Variants in TRHDE observed in about 807,000 individuals in gnomAD.
TRHDE encodes the protein thyrotropin releasing hormone degrading enzyme.
A neutral mutation model predicts 125.7 loss-of-function variants in TRHDE; 72 were observed. The ratio of observed to expected loss-of-function variants is 0.57; its 90% CI spans 0.47 to 0.70. The LOEUF (loss-of-function observed/expected upper bound fraction) is 0.70. TRHDE is among the 30% of genes least tolerant of loss of function. TRHDE has a pLI of 0.00. For synonymous variants in TRHDE, 509 were observed against 509.1 expected, an observed-to-expected ratio of 1.00 and a Z score of 0.00; for missense variants, 1,110 against 1,327.1, an observed-to-expected ratio of 0.84 and a Z score of 2.54.
At chr12:72,514,426 T>C (rs1308103187) in intron 6 of TRHDE, among the ~76,000 whole-genome samples, 1 of 122,216 alleles carries the variant, frequency 8.2e-6, no homozygotes, top group Non-Finnish European at 1.6e-5. Flanking sequence ...TTCTTAGAAA[T>C]GAAAATGAAA....
intron 2 of TRHDE, among the ~76,000 whole-genome samples, chr12:72,294,358 G>C (rs1472500989): frequency 6.6e-6 from 1 of 151,612 alleles, no homozygotes; most frequent in African/African-American, 2.4e-5. Context: ...GAACCTGTCT[G>C]TGTGTGTGTG....
At chr12:72,520,727 T>C (rs1879155483) in intron 6 of TRHDE, among the ~76,000 whole-genome samples, 1 of 152,188 alleles carries the variant, frequency 6.6e-6, no homozygotes, top group Non-Finnish European at 1.5e-5. Flanking sequence ...AATTTTTGCC[T>C]GAAACAGTGA....
chr12:72,625,571 C>T (rs1201933990), intron 15 of TRHDE, among the ~76,000 whole-genome samples: 8 of 151,842 alleles, frequency 5.3e-5, no homozygotes, highest in Non-Finnish European at 1.0e-4. Context: ...TATAGCATTA[C>T]TAGTATTGTC....
intron 6 of TRHDE, among the ~76,000 whole-genome samples, chr12:72,522,037 C>T (rs1211484472): frequency 1.3e-5 from 2 of 152,068 alleles, no homozygotes; most frequent in Non-Finnish European, 2.9e-5. Flanking sequence ...ATGTTTTTTA[C>T]GTATATTAAG....
rs548256404 is a variant in TRHDE at position 72,294,942 on chromosome 12, G to A, written c.1188+7988G>A. On this transcript the variant is annotated intron_variant, in intron 2 of 18. Coordinates refer to ENST00000261180, the MANE Select transcript of TRHDE (RefSeq NM_013381.3). ...CTGTGACAGCACTGGAGCTTGCCCC[G>A]ACTTTGCTCCGAGATAGGAGCAGGC... 1.1e-3 allele frequency among the ~76,000 whole-genome samples: 160 copies of A among 152,068 alleles called. 1 individual carries two copies. The highest frequency in any genetic ancestry group is 1.4e-3 in the Non-Finnish European group (97 of 67,982).
At chr12:72,466,139 C>T (rs770360987) in intron 3 of TRHDE, among the ~76,000 whole-genome samples, 10 of 152,256 alleles carry the variant, frequency 6.6e-5, no homozygotes, top group East Asian at 3.9e-4. Flanking sequence ...TCTTTATCAC[C>T]GGCCTCCAAT....
At chr12:72,144,659 A>C (rs1876188802) in intron 2 of TRHDE, among the ~76,000 whole-genome samples, 1 of 151,988 alleles carries the variant, frequency 6.6e-6, no homozygotes, top group African/African-American at 2.4e-5. Flanking sequence ...CTTGTTCCAA[A>C]TTGAGTCTTG....
At chr12:72,491,085 G>A (rs1877659185) in intron 5 of TRHDE, among the ~76,000 whole-genome samples, 1 of 150,778 alleles carries the variant, frequency 6.6e-6, no homozygotes, top group Admixed American at 6.6e-5. Context: ...TATATCCCAT[G>A]TTATGTTGTA....
rs1357092335 is a variant in TRHDE, at chr12:72,273,471, C to T, written c.828C>T (p.Tyr276=). ...LNRTLDAQRN[Y]NLKIIYNALI... is the part of the protein sequence containing the mutation. ...GGACACTGGACGCGCAGAGGAATTA[C>T]AATCTGAAGATTATCTACAACGCGC... is the stretch of plus-strand genomic sequence containing the variant. The change falls in exon 1 of 19, where the codon TAC becomes TAT. Residue 276 remains tyrosine (Y), a synonymous_variant. Transcript: ENST00000261180. This position sits in a 1 kb window ranked among gnomAD's most constrained non-coding sequence, Gnocchi z 5.3. 1 of 1,613,892 alleles carries T rather than the reference C, an allele frequency of 6.2e-7. No homozygotes were observed. Among genetic ancestry groups the T allele is most frequent in the African/African-American group, 1.3e-5 (1 of 75,050 alleles).
intron 5 of TRHDE, 31 bp from the exon 6 acceptor site, chr12:72,499,467 C>G (rs1464023580): frequency 5.0e-6 from 8 of 1,609,326 alleles, no homozygotes; most frequent in Non-Finnish European, 5.9e-6. Flanking sequence ...TATGAATCAC[C>G]TATGATATTG....
chr12:72,441,344 T>A (rs1352898033), intron 3 of TRHDE, among the ~76,000 whole-genome samples: 1 of 151,904 alleles, frequency 6.6e-6, no homozygotes, highest in African/African-American at 2.4e-5. Flanking sequence ...AGTAATAAAA[T>A]TGACTAATAA....
intron 2 of TRHDE, among the ~76,000 whole-genome samples, chr12:72,184,654 T>G (rs1481452018): frequency 6.6e-6 from 1 of 152,118 alleles, no homozygotes; most frequent in Non-Finnish European, 1.5e-5. Flanking sequence ...TTTTCCCTAC[T>G]CCTCCTCCCT....
rs139767209 is a variant in TRHDE at position 72,650,695 on chromosome 12, T to G, written c.2676-1627T>G. ...TGATTTCAGTAGATATTTTGTTGTT[T>G]TTTTTTCTTGCAAGTTTTTATTCAC... is the stretch of plus-strand genomic sequence containing the variant. On this transcript the variant is annotated intron_variant, in intron 15 of 18. Transcript: ENST00000261180. 3.3e-5 allele frequency among the ~76,000 whole-genome samples: 5 copies of G among 152,262 alleles called. No individual in the cohort carries two copies. The East Asian group carries it at 7.7e-4, about 24-fold the overall frequency.
intron 3 of TRHDE, among the ~76,000 whole-genome samples, chr12:72,447,887 AT>A (rs1875376867): frequency 2.0e-5 from 3 of 152,036 alleles, no homozygotes; most frequent in Admixed American, 2.0e-4. Flanking sequence ...TTCTTGGCAC[AT>A]TACCTGAATG....
chr12:72,520,346 C>A (rs775014441), intron 6 of TRHDE, among the ~76,000 whole-genome samples: 2 of 152,258 alleles, frequency 1.3e-5, no homozygotes, highest in South Asian at 4.1e-4. Context: ...TCTCGTGGTG[C>A]GCCATTTTTT....
intron 2 of TRHDE, among the ~76,000 whole-genome samples, chr12:72,299,288 G>C (rs1248577593): frequency 6.6e-6 from 1 of 152,194 alleles, no homozygotes; most frequent in East Asian, 1.9e-4. Context: ...GATAGCAAAA[G>C]TACTAATAGT....
intron 2 of TRHDE, among the ~76,000 whole-genome samples, chr12:72,236,798 CT>C (rs546365100): frequency 1.3e-5 from 2 of 151,936 alleles, no homozygotes; most frequent in African/African-American, 4.8e-5. Context: ...GTGGATGAGA[CT>C]TTTTTTTCTA....
At chr12:72,354,825 A>G (rs1457497224) in intron 2 of TRHDE, among the ~76,000 whole-genome samples, 1 of 151,220 alleles carries the variant, frequency 6.6e-6, no homozygotes, top group Non-Finnish European at 1.5e-5. Context: ...CCAATTGTCT[A>G]GCTAGAAGTG....
Position 72,663,446 on chromosome 12 carries a change from G to A in TRHDE, c.*251G>A. ...CTTGCAAGTGAAACTAGCCATGATT[G>A]CTTCAGCTGTACATTCCTTGCTGTA... On this transcript the variant is annotated 3_prime_UTR_variant, in exon 19 of 19. Coordinates refer to ENST00000261180, the MANE Select transcript of TRHDE (RefSeq NM_013381.3). The A allele has an allele frequency of 6.3e-6, 2 of 315,330 alleles. No individual in the cohort carries two copies. The highest frequency in any genetic ancestry group is 1.2e-5 in the Non-Finnish European group (2 of 172,104). 19.5% of individuals were successfully genotyped at this position (315,330 alleles called of 1,614,324 possible).
Sources: gnomAD v4.1 joint callset for allele counts (sites outside exome capture counted in the v4.1 genomes callset) on GRCh38, gnomAD v4.1.1 for gene constraint, Gnocchi (gnomAD v3.1) non-coding constraint, MANE v1.5 for transcripts, NCBI Gene and HGNC (gene_info 2026-07-23, HGNC 2026-07-21) for gene names.